Variants in PRKCE observed in about 807,000 individuals in gnomAD.
The protein encoded by PRKCE is protein kinase C epsilon.
PRKCE carries 16 observed loss-of-function variants against 85.4 expected under a neutral mutation model. The ratio of observed to expected loss-of-function variants is 0.19; its 90% CI spans 0.13 to 0.28. The LOEUF is 0.28. PRKCE is among the 10% of genes least tolerant of loss of function. PRKCE has a pLI of 1.00. For synonymous variants in PRKCE, 388 were observed against 371.5 expected (o/e 1.04, Z -0.51); for missense variants, 573 against 975.2 (o/e 0.59, Z 5.49).
chr2:46,131,973 A>T (rs1486060784), intron 11 of PRKCE, among the ~76,000 whole-genome samples: 2 of 152,034 alleles, frequency 1.3e-5, no homozygotes, highest in Non-Finnish European at 2.9e-5. Flanking sequence ...ACCAATTATT[A>T]TTTTTATTAT....
intron 14 of PRKCE, among the ~76,000 whole-genome samples, chr2:46,167,431 G>T (rs928937205): frequency 6.6e-5 from 10 of 152,184 alleles, no homozygotes; most frequent in Non-Finnish European, 1.5e-4. Flanking sequence ...CTGAGGCCAA[G>T]GGAGGCTGGA....
chr2:45,716,705 AG>A (rs1680150590), intron 1 of PRKCE, among the ~76,000 whole-genome samples: 3 of 117,868 alleles, frequency 2.5e-5, no homozygotes, highest in Non-Finnish European at 5.5e-5. Context: ...GAAGGAAGGA[AG>A]GAAGGAAGGA....
At chr2:45,956,610 G>A (rs372887828) in intron 2 of PRKCE, among the ~76,000 whole-genome samples, 2 of 151,990 alleles carry the variant, frequency 1.3e-5, no homozygotes, top group African/African-American at 2.4e-5. Context: ...GCTTGAACCC[G>A]GGAGGCGGAG....
intron 10 of PRKCE, among the ~76,000 whole-genome samples, chr2:46,074,804 A>G (rs1335475657): frequency 6.6e-6 from 1 of 152,118 alleles, no homozygotes; most frequent in Non-Finnish European, 1.5e-5. Flanking sequence ...ACAGATGGGG[A>G]TCTACAAGGG....
At chr2:45,725,428 C>T (rs1680975748) in intron 1 of PRKCE, among the ~76,000 whole-genome samples, 1 of 152,156 alleles carries the variant, frequency 6.6e-6, no homozygotes, top group South Asian at 2.1e-4. Context: ...GTAATTTTGA[C>T]TTTGAAGTCT....
At chr2:46,074,752 T>C (rs1167887486) in intron 10 of PRKCE, among the ~76,000 whole-genome samples, 5 of 152,180 alleles carry the variant, frequency 3.3e-5, no homozygotes, top group African/African-American at 4.8e-5. Context: ...AGGGAGACGC[T>C]TTGAGTTCTT....
At chr2:45,721,188 C>A (rs1371109349) in intron 1 of PRKCE, among the ~76,000 whole-genome samples, 1 of 152,026 alleles carries the variant, frequency 6.6e-6, no homozygotes, top group African/African-American at 2.4e-5. Context: ...AGGAAGTCTG[C>A]CTGGTCTGCA....
intron 1 of PRKCE, among the ~76,000 whole-genome samples, chr2:45,768,835 TTATATCCAAA>T (rs1685104567): frequency 6.6e-6 from 1 of 152,250 alleles, no homozygotes; most frequent in African/African-American, 2.4e-5. Flanking sequence ...TAATGCTTAA[TTATATCCAAA>T]TGTTGTGTCT....
chr2:46,170,301 T>A (rs996981899), intron 14 of PRKCE, among the ~76,000 whole-genome samples: 1 of 152,214 alleles, frequency 6.6e-6, no homozygotes, highest in East Asian at 1.9e-4. Context: ...GCATGTACTT[T>A]TTTTGTGTCT....
chr2:46,009,076 C>G (rs55662985), intron 9 of PRKCE, among the ~76,000 whole-genome samples: 1 of 152,014 alleles, frequency 6.6e-6, no homozygotes, highest in Non-Finnish European at 1.5e-5. Context: ...AGGCTTGTGA[C>G]GTTTGTAGGT....
intron 14 of PRKCE, among the ~76,000 whole-genome samples, chr2:46,180,062 C>A (rs564538426): frequency 2.0e-5 from 3 of 152,172 alleles, no homozygotes; most frequent in Admixed American, 1.3e-4. Context: ...CAGTCTCTGC[C>A]TGCAAGGAGC....
At chr2:45,665,842 C>G (rs1213102853) in intron 1 of PRKCE, among the ~76,000 whole-genome samples, 1 of 152,194 alleles carries the variant, frequency 6.6e-6, no homozygotes, top group Non-Finnish European at 1.5e-5. Context: ...CTGCTTCCCA[C>G]TACCCCAATA....
chr2:45,817,098 T>TGTGTGTG (rs2105307062), intron 1 of PRKCE, among the ~76,000 whole-genome samples: 1 of 151,314 alleles, frequency 6.6e-6, no homozygotes, highest in African/African-American at 2.4e-5. Flanking sequence ...TGTGTGTGTG[T>TGTGTGTG]GTGTGTGTGT....
chr2:46,101,772 C>T (rs1043629639), intron 11 of PRKCE, among the ~76,000 whole-genome samples: 10 of 149,610 alleles, frequency 6.7e-5, no homozygotes, highest in African/African-American at 9.9e-5. Flanking sequence ...GTGGCTTGTC[C>T]GAGGACACTC....
chr2:46,014,999 T>A, intron 10 of PRKCE, among the ~76,000 whole-genome samples: 1 of 152,172 alleles, frequency 6.6e-6, no homozygotes, highest in East Asian at 1.9e-4. Context: ...GGGAGGGTAT[T>A]TGGAAAATAA....
intron 1 of PRKCE, among the ~76,000 whole-genome samples, chr2:45,691,428 G>A (rs1414073393): frequency 6.6e-6 from 1 of 152,120 alleles, no homozygotes; most frequent in African/African-American, 2.4e-5. Flanking sequence ...TTTCCCCTCT[G>A]TCCATCAAAG....
At chr2:45,914,381 C>G (rs573716165) in intron 2 of PRKCE, among the ~76,000 whole-genome samples, 2 of 152,176 alleles carry the variant, frequency 1.3e-5, no homozygotes, top group African/African-American at 4.8e-5. Flanking sequence ...TGTGTCTCAA[C>G]GATGTGTGGT....
chr2:45,961,695 TC>T (rs998693136), intron 2 of PRKCE, among the ~76,000 whole-genome samples: 1 of 123,636 alleles, frequency 8.1e-6, no homozygotes, highest in African/African-American at 3.7e-5. Flanking sequence ...TTGCCAGGAT[TC>T]TTTTTTTTTT....
At chr2:46,083,602 C>G (rs570503204) in intron 10 of PRKCE, among the ~76,000 whole-genome samples, 1 of 152,280 alleles carries the variant, frequency 6.6e-6, no homozygotes, top group African/African-American at 2.4e-5. Context: ...AGCTGTACTT[C>G]CCATGTGAAA....
Sources: gnomAD v4.1 joint callset for allele counts (sites outside exome capture counted in the v4.1 genomes callset) on GRCh38, gnomAD v4.1.1 for gene constraint, MANE v1.5 for transcripts, NCBI Gene and HGNC (gene_info 2026-07-23, HGNC 2026-07-21) for gene names.